SIPA1L2: variants seen among roughly 807,000 people sequenced by gnomAD.
SIPA1L2 encodes the protein signal-induced proliferation-associated 1-like protein 2.
Under a neutral mutation model 163.9 loss-of-function variants are expected in SIPA1L2, and 56 were observed. That is an observed-to-expected ratio of 0.34 (90% confidence interval 0.28 to 0.43). SIPA1L2 has a LOEUF of 0.43. Among genes scored for constraint, SIPA1L2 ranks in the 20% least tolerant of loss-of-function variants. The pLI is 1.00. For synonymous variants in SIPA1L2, 877 were observed against 865.7 expected (o/e 1.01, Z -0.23); for missense variants, 1,974 against 2,193.5 (o/e 0.90, Z 2.00).
At chr1:232,599,097 C>T (rs764013498) in intron 1 of SIPA1L2, among the ~76,000 whole-genome samples, 1 of 152,142 alleles carries the variant, frequency 6.6e-6, no homozygotes, top group Non-Finnish European at 1.5e-5. Flanking sequence ...ACATTAGTTC[C>T]CTTAGCAAAT....
chr1:232,460,925 C>T lies in SIPA1L2; in HGVS notation c.3057G>A (p.Val1019=), dbSNP rs1429927564. The T allele has an allele frequency of 1.9e-6, 3 of 1,614,184 alleles. No individual in the cohort carries two copies. The highest frequency in any genetic ancestry group is 3.3e-5 in the Admixed American group (2 of 60,028). ...DLLRTSVTVK[V]VIIQPHDDGS... The stretch of plus-strand genomic sequence containing the variant: ...CGTCATCATGGGGCTGGATGATGAC[C>T]ACCTTCACAGTCACAGAAGTACGGA... Residue 1019 remains valine, a synonymous_variant, in exon 10 of 23, where the codon GTG becomes GTA. Transcript: ENST00000674635.
chr1:232,482,845 C>T (rs1421305968), intron 6 of SIPA1L2, among the ~76,000 whole-genome samples: 1 of 152,196 alleles, frequency 6.6e-6, no homozygotes, highest in Non-Finnish European at 1.5e-5. Context: ...CACCCTGACG[C>T]TCCCACACAG....
chr1:232,522,810 C>A (rs1667517680), intron 2 of SIPA1L2, among the ~76,000 whole-genome samples: 1 of 152,124 alleles, frequency 6.6e-6, no homozygotes, highest in Admixed American at 6.5e-5. Flanking sequence ...TATTTATTGA[C>A]AAACATACTG....
chr1:232,597,818 CA>C (rs1474139999), intron 1 of SIPA1L2, among the ~76,000 whole-genome samples: 1 of 151,784 alleles, frequency 6.6e-6, no homozygotes, highest in Non-Finnish European at 1.5e-5. Flanking sequence ...GAGACCTGAG[CA>C]ATTTCAGAGG....
intron 19 of SIPA1L2, among the ~76,000 whole-genome samples, chr1:232,409,056 C>T (rs1660801878): frequency 6.6e-6 from 1 of 152,088 alleles, no homozygotes; most frequent in Admixed American, 6.6e-5. Flanking sequence ...TCTGTCTGAG[C>T]TCTTAATTTT....
At chr1:232,595,465 G>T (rs765135903) in intron 1 of SIPA1L2, among the ~76,000 whole-genome samples, 6 of 152,018 alleles carry the variant, frequency 3.9e-5, no homozygotes, top group Non-Finnish European at 8.8e-5. Context: ...TCACTGCTGG[G>T]CTGTCACTGC....
chr1:232,580,453 G>T (rs574195579), intron 1 of SIPA1L2, among the ~76,000 whole-genome samples: 6 of 152,160 alleles, frequency 3.9e-5, no homozygotes, highest in Non-Finnish European at 7.3e-5. Flanking sequence ...AGCCCAGTAG[G>T]TGTCAGCCTC....
At chr1:232,577,944 T>G (rs1338344226) in intron 1 of SIPA1L2, among the ~76,000 whole-genome samples, 1 of 152,174 alleles carries the variant, frequency 6.6e-6, no homozygotes, top group East Asian at 1.9e-4. Context: ...GTGGGTCAAA[T>G]GCTATGAAAC....
chr1:232,612,130 A>G (rs1052558810), intron 1 of SIPA1L2, among the ~76,000 whole-genome samples: 1 of 152,222 alleles, frequency 6.6e-6, no homozygotes, highest in African/African-American at 2.4e-5. Context: ...AGTGCACAGA[A>G]GTCAAGAACT....
chr1:232,515,226 A>C lies in SIPA1L2; in HGVS notation c.114T>G (p.Phe38Leu). 1 of 1,614,148 alleles carries C rather than the reference A, an allele frequency of 6.2e-7. No homozygotes were observed. Among genetic ancestry groups the C allele is most frequent in the Non-Finnish European group, 8.5e-7 (1 of 1,180,016 alleles). The change falls in exon 3 of 23, where the codon TTT becomes TTG. Residue 38 changes from phenylalanine (F) to leucine (L), a missense_variant. Coordinates refer to ENST00000674635, the MANE Select transcript of SIPA1L2 (RefSeq NM_020808.5). ...MQSDDYFARK[F>L]KAINGNMGPT... ...GTCCCATGTTGCCATTAATGGCTTTAAATTTCCGAGCAAAATAATCATCTG... is the reference window on the plus strand; with the variant it reads ...GTCCCATGTTGCCATTAATGGCTTTCAATTTCCGAGCAAAATAATCATCTG...
rs201264122 is a variant in SIPA1L2, at chr1:232,489,495, GT to G, written c.1806+1378del. Among the ~76,000 whole-genome samples the G allele has an allele frequency of 5.2e-3, 748 of 144,550 alleles. 1 individual carries two copies. Among genetic ancestry groups the G allele is most frequent in the Middle Eastern group, 7.4e-3 (2 of 272 alleles). The allele number at this position is 144,550 out of a possible 152,430, so 94.8% of individuals were successfully genotyped here. A position where few individuals can be genotyped will look rare whatever the true frequency, so the allele number is the denominator to read the frequency against. Reference sequence around the variant, plus strand: ...GTCACCTGCTCAAGTTTAGAGTATGGTTTTTTTTTTTTAATATGTCAGCTTT... The same window carrying G: ...GTCACCTGCTCAAGTTTAGAGTATGGTTTTTTTTTTTAATATGTCAGCTTT... On this transcript the variant is annotated intron_variant, in intron 5 of 22. Transcript: ENST00000674635.
chr1:232,500,938 C>A (rs1400632313), intron 3 of SIPA1L2, among the ~76,000 whole-genome samples: 1 of 152,100 alleles, frequency 6.6e-6, no homozygotes, highest in Non-Finnish European at 1.5e-5. Flanking sequence ...ACCTTCAACA[C>A]CCACCATCCT....
chr1:232,553,235 C>A (rs1448289740), intron 2 of SIPA1L2, among the ~76,000 whole-genome samples: 1 of 152,196 alleles, frequency 6.6e-6, no homozygotes, highest in Non-Finnish European at 1.5e-5. Flanking sequence ...TCCTCCCCAA[C>A]TGTCCCTAGT....
chr1:232,449,030 G>A lies in SIPA1L2; in HGVS notation c.3096-3244C>T, dbSNP rs182561049. 1.1e-4 allele frequency among the ~76,000 whole-genome samples: 17 copies of A among 152,118 alleles called. No homozygotes were observed. In the East Asian group the frequency reaches 3.1e-3, roughly 28 times the overall value. On this transcript the variant is annotated intron_variant, in intron 10 of 22. Coordinates refer to ENST00000674635, the MANE Select transcript of SIPA1L2 (RefSeq NM_020808.5). ...CTCAGAATGCTCACCACCCCACAGA[G>A]ATCAAAGAAGATGGTTCTCTAGAGA...
chr1:232,626,209 T>C (rs66620023), intron 1 of SIPA1L2, among the ~76,000 whole-genome samples: 6,963 of 150,868 alleles, frequency 0.046, 267 homozygotes, highest in South Asian at 0.14. Context: ...TGCTGACATA[T>C]CTGACAATCC....
Position 232,443,670 on chromosome 1 carries a change from G to A in SIPA1L2, c.3369C>T (p.Asn1123=). The A allele has an allele frequency of 6.2e-7, 1 of 1,607,932 alleles. No homozygotes were observed. Among genetic ancestry groups the A allele is most frequent in the Non-Finnish European group, 8.5e-7 (1 of 1,177,218 alleles). Residue 1123 remains asparagine, a synonymous_variant, in exon 12 of 23, where the codon AAC becomes AAT. Transcript: ENST00000674635. ...LPDGTRSSPS[N]QSSSSDPGPG... ...GTCCAGGGTCGCTGGAGGATGACTG[G>A]TTGCTGGGTGAGCTTCTGAAAGGTT...
At chr1:232,451,192 T>C (rs1274055026) in intron 10 of SIPA1L2, among the ~76,000 whole-genome samples, 2 of 152,204 alleles carry the variant, frequency 1.3e-5, no homozygotes, top group African/African-American at 2.4e-5. Context: ...CCGTTCCATA[T>C]ATATGAGAAA....
At chr1:232,469,968 G>GC (rs1262612988) in intron 8 of SIPA1L2, among the ~76,000 whole-genome samples, 2 of 151,936 alleles carry the variant, frequency 1.3e-5, no homozygotes, top group Non-Finnish European at 2.9e-5. Flanking sequence ...AAGATAGCAA[G>GC]TAATTTAAAG....
chr1:232,531,686 T>C (rs1195653754), intron 2 of SIPA1L2, among the ~76,000 whole-genome samples: 3 of 152,158 alleles, frequency 2.0e-5, no homozygotes, highest in Admixed American at 1.3e-4. Flanking sequence ...TGTGGATAGG[T>C]AGAATGCAAC....
Sources: allele counts gnomAD v4.1 joint callset (sites outside exome capture counted in the v4.1 genomes callset), GRCh38; gene constraint gnomAD v4.1.1; transcripts MANE v1.5; gene names NCBI Gene and HGNC (gene_info 2026-07-23, HGNC 2026-07-21).